Variants in PDE7A observed in about 807,000 individuals in gnomAD.
PDE7A encodes phosphodiesterase 7A, also known as high affinity 3',5'-cyclic-AMP phosphodiesterase 7A.
Under a neutral mutation model 64.3 loss-of-function variants are expected in PDE7A, and 39 were observed. The ratio of observed to expected loss-of-function variants is 0.61; its 90% confidence interval spans 0.47 to 0.79. The LOEUF is 0.79. Among genes scored for constraint, PDE7A ranks in the 30% least tolerant of loss-of-function variants. The pLI, the probability that PDE7A is intolerant of heterozygous loss-of-function variation, is 0.00. For synonymous variants in PDE7A, 203 were observed against 206.8 expected (o/e 0.98, Z 0.16); for missense variants, 470 against 582.8 (o/e 0.81, Z 1.99).
At chr8:65,723,350 C>T in intron 12 of PDE7A, 191 bp downstream of exon 12, 1 of 439,862 alleles carries the variant, frequency 2.3e-6, no homozygotes, top group Non-Finnish European at 3.6e-6. Flanking sequence ...CAAAAATATA[C>T]TTTTTACATC....
At chr8:65,755,778 C>T (rs1292302997) in intron 3 of PDE7A, among the ~76,000 whole-genome samples, 1 of 152,116 alleles carries the variant, frequency 6.6e-6, no homozygotes, top group African/African-American at 2.4e-5. Context: ...TAAAGAACTC[C>T]CTTTAGCATT....
rs1179431555 is a variant in PDE7A, at chr8:65,730,171, C to CTTTTTTTT, written c.697-2878_697-2871dup. Among the ~76,000 whole-genome samples, 220 of 86,418 alleles carry CTTTTTTTT rather than the reference C, an allele frequency of 2.5e-3. 41 individuals are homozygous for CTTTTTTTT. The highest frequency in any genetic ancestry group is 6.7e-3 in the African/African-American group (141 of 20,926). The allele number at this position is 86,418 out of a possible 152,430, so 56.7% of individuals were successfully genotyped here. Reference sequence around the variant, plus strand: ...TGTGAGGGATCCAGGTTGCGCACTTCTTTTTTTTTTTTTTTTTTTTTTTTT... The same window carrying CTTTTTTTT: ...TGTGAGGGATCCAGGTTGCGCACTTCTTTTTTTTTTTTTTTTTTTTTTTTTTTTTTTTT... On this transcript the variant is annotated intron_variant, in intron 7 of 12. Transcript: ENST00000401827.
chr8:65,781,524 G>A (rs943666322), intron 2 of PDE7A, among the ~76,000 whole-genome samples: 1 of 152,120 alleles, frequency 6.6e-6, no homozygotes, highest in Non-Finnish European at 1.5e-5. Context: ...TAAATGTGGT[G>A]GTAACAGCAT....
intron 1 of PDE7A, among the ~76,000 whole-genome samples, chr8:65,823,665 T>C (rs1462214348): frequency 6.6e-6 from 1 of 152,132 alleles, no homozygotes; most frequent in Non-Finnish European, 1.5e-5. Context: ...ACCTTTACCA[T>C]ATATTAAAAA....
At position 65,734,850 on chromosome 8, in the gene PDE7A, C is replaced by T. The variant is rs184203450; in HGVS notation, c.640G>A (p.Ala214Thr). The T allele has an allele frequency of 6.8e-6, 11 of 1,612,462 alleles. No individual in the cohort carries two copies. Among genetic ancestry groups the T allele is most frequent in the Admixed American group, 6.7e-5 (4 of 60,000 alleles). The part of the protein sequence containing the change: ...DYHSQNPYHN[A>T]VHAADVTQAM... Reference sequence around the variant, plus strand: ...TGAGTAACATCCGCAGCGTGGACTGCGTTATGGTAAGGATTTTGACTGTGG... The same window carrying T: ...TGAGTAACATCCGCAGCGTGGACTGTGTTATGGTAAGGATTTTGACTGTGG... The change falls in exon 7 of 13, where the codon GCA becomes ACA. Residue 214 changes from alanine to threonine, a missense_variant. Coordinates refer to ENST00000401827, the MANE Select transcript of PDE7A (RefSeq NM_001242318.3).
chr8:65,768,066 G>T (rs1332543165), intron 3 of PDE7A, among the ~76,000 whole-genome samples: 4 of 152,144 alleles, frequency 2.6e-5, no homozygotes, highest in Non-Finnish European at 5.9e-5. Context: ...AGGACACCCA[G>T]TTGGTGTCCA....
chr8:65,739,759 A>G (rs978519124), intron 5 of PDE7A, among the ~76,000 whole-genome samples, 162 bp from the exon 6 acceptor site: 1 of 152,230 alleles, frequency 6.6e-6, no homozygotes, highest in Admixed American at 6.5e-5. Context: ...TGAACTTTAT[A>G]TGTCACATCT....
At chr8:65,747,852 C>A in intron 3 of PDE7A, 49 bp from the exon 4 acceptor site, 1 of 1,288,944 alleles carries the variant, frequency 7.8e-7, no homozygotes, top group South Asian at 1.4e-5. Context: ...AAATTATACA[C>A]ATGCTATCTT....
chr8:65,827,907 A>G (rs1810719394), intron 1 of PDE7A, among the ~76,000 whole-genome samples: 1 of 152,144 alleles, frequency 6.6e-6, no homozygotes, highest in Non-Finnish European at 1.5e-5. Flanking sequence ...CTCTACTTTC[A>G]TTTTAACAGA....
At chr8:65,744,086 G>A (rs112728899) in intron 5 of PDE7A, among the ~76,000 whole-genome samples, 16 of 152,258 alleles carry the variant, frequency 1.1e-4, no homozygotes, top group African/African-American at 3.9e-4. Context: ...ACCAGCCTTG[G>A]CCTGCCAAAG....
intron 3 of PDE7A, among the ~76,000 whole-genome samples, chr8:65,755,029 T>G (rs2128910702): frequency 6.6e-6 from 1 of 151,334 alleles, no homozygotes. Flanking sequence ...CACTTATTTT[T>G]TTTTTTTTTG....
intron 6 of PDE7A, among the ~76,000 whole-genome samples, 189 bp from the exon 7 acceptor site, chr8:65,735,083 T>G (rs1478396544): frequency 6.6e-6 from 1 of 152,146 alleles, no homozygotes; most frequent in Non-Finnish European, 1.5e-5. Context: ...TCAATTTGAC[T>G]CTCTATGCTA....
chr8:65,775,012 A>G (rs1436210735), intron 3 of PDE7A, among the ~76,000 whole-genome samples: 2 of 152,226 alleles, frequency 1.3e-5, no homozygotes, highest in Non-Finnish European at 2.9e-5. Flanking sequence ...TATGTTTTCT[A>G]CATTCAGTTC....
At chr8:65,790,809 ACT>A (rs1329331705) in intron 1 of PDE7A, among the ~76,000 whole-genome samples, 3 of 152,294 alleles carry the variant, frequency 2.0e-5, no homozygotes, top group East Asian at 1.9e-4. Flanking sequence ...GTCTCTGATT[ACT>A]CTGTCTTCCA....
chr8:65,796,521 C>A (rs1222771519), intron 1 of PDE7A, among the ~76,000 whole-genome samples: 1 of 151,864 alleles, frequency 6.6e-6, no homozygotes, highest in Non-Finnish European at 1.5e-5. Context: ...TGGCAATTAT[C>A]CTAGGAATCT....
chr8:65,768,191 C>T (rs1020201619), intron 3 of PDE7A, among the ~76,000 whole-genome samples: 9 of 152,146 alleles, frequency 5.9e-5, no homozygotes, highest in African/African-American at 1.7e-4. Context: ...AGGGTTTTTC[C>T]TACACAGTGA....
chr8:65,821,168 AAAC>A (rs1810532441), intron 1 of PDE7A, among the ~76,000 whole-genome samples: 1 of 152,056 alleles, frequency 6.6e-6, no homozygotes, highest in African/African-American at 2.4e-5. Context: ...CTTTTTAAAA[AAAC>A]AAAACAAAAC....
Position 65,815,694 on chromosome 8 carries a change from T to C in PDE7A, c.138+25677A>G, listed in dbSNP as rs60951991. On this transcript the variant is annotated intron_variant, in intron 1 of 12. Transcript: ENST00000401827. ...TCAAAGGGTCTTAGAGATAGAATTA[T>C]ACATTGCTAAGATCCATTGATAGAA... Among the ~76,000 whole-genome samples the C allele has an allele frequency of 2.7e-3, 411 of 152,340 alleles. 2 individuals are homozygous for C. The highest frequency in any genetic ancestry group is 9.6e-3 in the African/African-American group (398 of 41,576).
chr8:65,729,003 TA>T (rs145357915), intron 7 of PDE7A, among the ~76,000 whole-genome samples: 6 of 150,594 alleles, frequency 4.0e-5, no homozygotes, highest in African/African-American at 1.2e-4. Context: ...TTTCTGCTTG[TA>T]AAAAAAAACC....
Sources: allele counts gnomAD v4.1 joint callset (sites outside exome capture counted in the v4.1 genomes callset), GRCh38; gene constraint gnomAD v4.1.1; transcripts MANE v1.5; gene names NCBI Gene and HGNC (gene_info 2026-07-23, HGNC 2026-07-21).